Variants in EIF2AK2 observed in about 807,000 individuals in gnomAD.
EIF2AK2 encodes the protein eukaryotic translation initiation factor 2 alpha kinase 2, also known as interferon-induced, double-stranded RNA-activated protein kinase.
In EIF2AK2, 40 loss-of-function variants were observed where a neutral mutation model predicts 70.5. The observed-to-expected ratio is 0.57, with a 90% CI of 0.44 to 0.74. The LOEUF is 0.74. Ranked by LOEUF, EIF2AK2 falls within the 30% of genes least tolerant of loss-of-function variation. The pLI, the probability that EIF2AK2 is intolerant of heterozygous loss-of-function variation, is 0.00. For synonymous variants in EIF2AK2, 198 were observed against 220.9 expected (o/e 0.90, Z 0.92); for missense variants, 555 against 644.3 (o/e 0.86, Z 1.50).
rs1673769537 is a variant in EIF2AK2 at position 37,099,418 on chromosome 2, T to A, written c.*7855A>T. On this transcript the variant is annotated 3_prime_UTR_variant, in exon 17 of 17. Transcript: ENST00000233057. ...GCTTGTCCCCACTCTTACAGTGTAATGAAATTAGCAGTATAATGAAGAAAA... is the reference window on the plus strand; with the variant it reads ...GCTTGTCCCCACTCTTACAGTGTAAAGAAATTAGCAGTATAATGAAGAAAA... The A allele has an allele frequency of 6.6e-6, 1 of 152,156 alleles. No individual in the cohort carries two copies. The highest frequency in any genetic ancestry group is 2.4e-5 in the African/African-American group (1 of 41,430). The allele number at this position is 152,156 out of a possible 1,614,324, so 9.4% of individuals were successfully genotyped here.
chr2:37,114,050 C>T (rs1406751989), intron 14 of EIF2AK2, among the ~76,000 whole-genome samples: 3 of 151,902 alleles, frequency 2.0e-5, no homozygotes, highest in Non-Finnish European at 1.5e-5. Flanking sequence ...AAAGAAATAC[C>T]CTTCGATAAG....
rs150764966 is a variant in EIF2AK2, at chr2:37,138,547, C to T, written c.555G>A (p.Thr185=). Residue 185 remains threonine, a synonymous_variant, in exon 7 of 17, where the codon ACG becomes ACA. Coordinates refer to ENST00000233057, the MANE Select transcript of EIF2AK2 (RefSeq NM_001135651.3). ...DYLSSGSFAT[T]CESQSNSLVT... ...CTAAAGAGTTGCTTTGGGACTCACA[C>T]GTAGTAGCAAAAGAACCAGAGGACA... 10 of 1,613,956 alleles carry T rather than the reference C, an allele frequency of 6.2e-6. No homozygotes were observed. The highest frequency in any genetic ancestry group is 4.4e-5 in the South Asian group (4 of 91,086).
intron 3 of EIF2AK2, 149 bp downstream of exon 3, chr2:37,147,537 TCA>T (rs1213500163): frequency 3.1e-6 from 1 of 320,988 alleles, no homozygotes; most frequent in Admixed American, 3.7e-5. Context: ...TGCTCAGTTC[TCA>T]CCTATGAGTG....
Position 37,139,615 on chromosome 2 carries a change from C to G in EIF2AK2, c.516+16G>C, listed in dbSNP as rs929057757. 8.7e-6 allele frequency: 14 copies of G among 1,601,942 alleles called. 1 individual carries two copies. The highest frequency in any genetic ancestry group is 1.1e-5 in the Non-Finnish European group (13 of 1,177,014). ...AATTTTAAAACATAAAAATTTAATCCAAAGGCAATACGTACCACTGAGGTT... is the reference window on the plus strand; with the variant it reads ...AATTTTAAAACATAAAAATTTAATCGAAAGGCAATACGTACCACTGAGGTT... On this transcript the variant is annotated intron_variant, in intron 6 of 16. Transcript: ENST00000233057.
chr2:37,147,860 A>T, intron 2 of EIF2AK2, 38 bp from the exon 3 acceptor site: 1 of 1,416,196 alleles, frequency 7.1e-7, no homozygotes, highest in South Asian at 1.2e-5. Context: ...TGATGCTCAC[A>T]GAACATATTT....
chr2:37,145,332 AG>A (rs1481125135), intron 4 of EIF2AK2, among the ~76,000 whole-genome samples: 2 of 151,954 alleles, frequency 1.3e-5, no homozygotes, highest in Non-Finnish European at 2.9e-5. Context: ...CAGTAGAGAC[AG>A]GGTTTCACCG....
intron 10 of EIF2AK2, among the ~76,000 whole-genome samples, chr2:37,129,572 G>A (rs1048435685): frequency 9.2e-5 from 14 of 152,070 alleles, no homozygotes; most frequent in Admixed American, 2.6e-4. Context: ...GACGGTATCT[G>A]GTAAGATTAT....
At chr2:37,131,538 A>G (rs1465138958) in intron 10 of EIF2AK2, among the ~76,000 whole-genome samples, 1 of 151,870 alleles carries the variant, frequency 6.6e-6, no homozygotes, top group Non-Finnish European at 1.5e-5. Context: ...CCTACATTCA[A>G]CCCTCCATCT....
rs1673991506 is a variant in EIF2AK2, at chr2:37,107,222, TA to T, written c.*50del. 1 of 1,575,972 alleles carries T rather than the reference TA, an allele frequency of 6.3e-7. No homozygotes were observed. Among genetic ancestry groups the T allele is most frequent in the African/African-American group, 1.4e-5 (1 of 73,094 alleles). ...TTGATATTCCCTAGCAGATTTTAGA[TA>T]ATTTAAGGAAAACTGCATATCAGAA... On this transcript the variant is annotated 3_prime_UTR_variant, in exon 17 of 17. Coordinates refer to ENST00000233057, the MANE Select transcript of EIF2AK2 (RefSeq NM_001135651.3).
chr2:37,153,591 T>C (rs1573046236), intron 1 of EIF2AK2, among the ~76,000 whole-genome samples: 1 of 152,192 alleles, frequency 6.6e-6, no homozygotes, highest in Non-Finnish European at 1.5e-5. Context: ...GTATTTGTCC[T>C]TTTGTGTCTG....
Position 37,126,269 on chromosome 2 carries a change from T to A in EIF2AK2, c.908+20A>T. On this transcript the variant is annotated intron_variant, in intron 11 of 16. Coordinates refer to ENST00000233057, the MANE Select transcript of EIF2AK2 (RefSeq NM_001135651.3). ...CAGCGTACCTTGCCATTCAAAAAAA[T>A]GTAAACATTTACTACTTACTCGTTA... is the stretch of plus-strand genomic sequence containing the variant. The A allele has an allele frequency of 1.3e-6, 2 of 1,560,936 alleles. No homozygotes were observed. Among genetic ancestry groups the A allele is most frequent in the Non-Finnish European group, 1.7e-6 (2 of 1,153,640 alleles).
In EIF2AK2 at chr2:37,122,534, C is replaced by T. The variant is rs763208496; in HGVS notation, c.1039G>A (p.Asp347Asn). 3.1e-6 allele frequency: 5 copies of T among 1,613,818 alleles called. No individual in the cohort carries two copies. In the African/African-American group the frequency reaches 4.0e-5, roughly 13 times the overall value. ...SDDSLESSDY[D>N]PENSKNSSRS... ...GAACTATTTTTGCTGTTCTCAGGAT[C>T]ATAATCACTGCTCTCAAGAGAATCA... Residue 347 changes from aspartate (D) to asparagine (N), a missense_variant, in exon 12 of 17, where the codon GAT becomes AAT. Around this residue, in one of 3 missense-constraint regions of EIF2AK2, gnomAD observed 299 missense variants for 375.4 expected, o/e 0.80. Coordinates refer to ENST00000233057, the MANE Select transcript of EIF2AK2 (RefSeq NM_001135651.3).
chr2:37,111,743 T>TG (rs11387031), intron 14 of EIF2AK2, among the ~76,000 whole-genome samples: 141,362 of 148,844 alleles, frequency 0.95, 67,583 homozygotes, highest in South Asian at 1. Context: ...CCTGTAGTCC[T>TG]GCTACTGAGG....
At chr2:37,127,510 TGCACTCAAA>T (rs1312752473) in intron 10 of EIF2AK2, among the ~76,000 whole-genome samples, 2 of 152,076 alleles carry the variant, frequency 1.3e-5, no homozygotes, top group African/African-American at 4.8e-5. Flanking sequence ...CCCTCCTCAT[TGCACTCAAA>T]GCACACACTC....
At chr2:37,129,329 C>G (rs1674859976) in intron 10 of EIF2AK2, among the ~76,000 whole-genome samples, 1 of 152,140 alleles carries the variant, frequency 6.6e-6, no homozygotes, top group Admixed American at 6.5e-5. Context: ...AAAGGCTTGT[C>G]CTATCCCCTG....
chr2:37,110,719 A>C (rs1674114531), intron 14 of EIF2AK2, among the ~76,000 whole-genome samples: 1 of 152,234 alleles, frequency 6.6e-6, no homozygotes, highest in Admixed American at 6.5e-5. Flanking sequence ...TTTAACGGGC[A>C]TTTACAAATC....
intron 13 of EIF2AK2, among the ~76,000 whole-genome samples, chr2:37,118,708 T>C (rs888253832): frequency 2.0e-5 from 3 of 152,244 alleles, no homozygotes; most frequent in Non-Finnish European, 4.4e-5. Context: ...AAGAGACATA[T>C]TGGAACCAGA....
intron 3 of EIF2AK2, 37 bp from the exon 4 acceptor site, chr2:37,147,010 A>G: frequency 6.3e-7 from 1 of 1,575,068 alleles, no homozygotes; most frequent in Non-Finnish European, 8.6e-7. Context: ...ATATTATACA[A>G]CTCATGCACT....
chr2:37,141,603 T>G lies in EIF2AK2; in HGVS notation c.339A>C (p.Arg113Ser). ...GLINRIAQKKRLTVNYEQCAS... is the reference protein window; with the variant it reads ...GLINRIAQKKSLTVNYEQCAS... ...CACACTGTTCATAATTTACAGTTAG[T>G]CTTTTCTTCTGGGCAATTCTATTGA... Residue 113 changes from arginine to serine, a missense_variant, in exon 5 of 17, where the codon AGA becomes AGC. By Grantham distance (110) the Arg-to-Ser change is moderately radical. Transcript: ENST00000233057. 4 of 1,614,150 alleles carry G rather than the reference T, an allele frequency of 2.5e-6. No homozygotes were observed. The highest frequency in any genetic ancestry group is 3.4e-6 in the Non-Finnish European group (4 of 1,180,012).
Sources: gnomAD v4.1 joint callset for allele counts (sites outside exome capture counted in the v4.1 genomes callset) on GRCh38, gnomAD v4.1.1 for gene constraint, gnomAD v4.1.1 regional missense constraint, MANE v1.5 for transcripts, NCBI Gene and HGNC (gene_info 2026-07-23, HGNC 2026-07-21) for gene names.